The following PPARGC1A variants were observed in gnomAD, a reference collection of about 807,000 sequenced individuals.
PPARGC1A encodes the protein peroxisome proliferator-activated receptor gamma coactivator 1-alpha.
In PPARGC1A, 25 loss-of-function variants were observed where a neutral mutation model predicts 88.7. The ratio of observed to expected loss-of-function variants is 0.28; its 90% confidence interval spans 0.21 to 0.39. The LOEUF (loss-of-function observed/expected upper bound fraction) is 0.39, where lower values mean the gene tolerates loss of function less well. Among genes scored for constraint, PPARGC1A ranks in the 10% least tolerant of loss-of-function variants. The probability of loss-of-function intolerance (pLI) is 1.00; values close to 1 mark genes in which losing one functional copy is unlikely to be tolerated. For missense variants in PPARGC1A, 880 were observed against 968.7 expected (o/e 0.91, Z 1.22); for synonymous variants, 363 against 355.6 (o/e 1.02, Z -0.24).
chr4:23,973,570 G>A, the PPARGC1A span, among the ~76,000 whole-genome samples: 28 of 152,326 alleles, frequency 1.8e-4, no homozygotes, highest in Middle Eastern at 3.4e-3. Flanking sequence ...TTTATTCTAT[G>A]CATGATTTGA....
the PPARGC1A span, among the ~76,000 whole-genome samples, chr4:24,291,270 CTCAG>C: frequency 1.3e-5 from 2 of 152,214 alleles, no homozygotes; most frequent in Admixed American, 6.5e-5. Flanking sequence ...CTCTCTCTCT[CTCAG>C]TATCTCTTAA....
chr4:24,049,207 T>C, the PPARGC1A span, among the ~76,000 whole-genome samples: 2 of 8,668 alleles, frequency 2.3e-4, no homozygotes, highest in South Asian at 0.03. Context: ...TATACACACA[T>C]ATATATAAAT....
intron 2 of PPARGC1A, among the ~76,000 whole-genome samples, chr4:23,860,578 T>C (rs1450024761): frequency 6.6e-6 from 1 of 152,170 alleles, no homozygotes; most frequent in Non-Finnish European, 1.5e-5. Context: ...CTTAAATATA[T>C]ACAGTAACAA....
chr4:24,045,192 C>T, the PPARGC1A span, among the ~76,000 whole-genome samples: 1 of 152,094 alleles, frequency 6.6e-6, no homozygotes, highest in African/African-American at 2.4e-5. Flanking sequence ...TTCATCAAGC[C>T]TTTGTTTCTT....
At chr4:24,190,268 C>A in the PPARGC1A span, among the ~76,000 whole-genome samples, 1 of 152,312 alleles carries the variant, frequency 6.6e-6, no homozygotes, top group South Asian at 2.1e-4. Context: ...GTAATCCCAG[C>A]ACTTTGGGAG....
chr4:24,131,803 C>A, the PPARGC1A span, among the ~76,000 whole-genome samples: 1 of 152,144 alleles, frequency 6.6e-6, no homozygotes, highest in Non-Finnish European at 1.5e-5. Flanking sequence ...AGGAAGCTGA[C>A]TCTTTTAAGC....
the PPARGC1A span, among the ~76,000 whole-genome samples, chr4:24,431,164 A>C: frequency 6.6e-6 from 1 of 151,908 alleles, no homozygotes; most frequent in Non-Finnish European, 1.5e-5. Flanking sequence ...AAGAAAAAGA[A>C]AAGACAAGAA....
chr4:24,055,770 G>A, the PPARGC1A span, among the ~76,000 whole-genome samples: 1 of 152,208 alleles, frequency 6.6e-6, no homozygotes, highest in African/African-American at 2.4e-5. Flanking sequence ...GTTCCAGTCT[G>A]CACATTTGTA....
chr4:23,868,985 C>T (rs180712631), intron 2 of PPARGC1A, among the ~76,000 whole-genome samples: 5 of 152,308 alleles, frequency 3.3e-5, no homozygotes, highest in Non-Finnish European at 7.3e-5. Context: ...ACTCTCCTTT[C>T]CACTGCTTGG....
At chr4:24,162,130 C>T in the PPARGC1A span, among the ~76,000 whole-genome samples, 251 of 152,132 alleles carry the variant, frequency 1.6e-3, 1 homozygote, top group Middle Eastern at 0.017. Flanking sequence ...AACCAAACAT[C>T]GTATATTCTC....
At chr4:23,913,257 TATATATATATAGAGAGAGAG>T in the PPARGC1A span, among the ~76,000 whole-genome samples, 47 of 46,086 alleles carry the variant, frequency 1.0e-3, no homozygotes, top group African/African-American at 3.6e-3. Flanking sequence ...TATATATATA[TATATATATATAGAGAGAGAG>T]AGAGAGAGAG....
chr4:23,894,390 G>A (rs544205176), upstream of PPARGC1A, among the ~76,000 whole-genome samples: 2 of 151,804 alleles, frequency 1.3e-5, no homozygotes, highest in East Asian at 3.9e-4. Context: ...GAACACAAAA[G>A]TTGGTAGCAG....
rs995490719 is a variant in PPARGC1A at position 23,814,178 on chromosome 4, T to G, written c.1305A>C (p.Arg435Ser). Residue 435 changes from arginine to serine, a missense_variant, in exon 8 of 13, where the codon AGA (arginine) becomes AGC (serine). Arg to Ser is a moderately radical substitution (Grantham distance 110). Transcript: ENST00000264867. ...CCTGCTTGCTTGCCTCCAAAGTCTC[T>G]CTCAGGTAGCACTGGTCTGAATCTG... ...SSTDSDQCYLRETLEASKQVS... is the reference protein window; with the variant it reads ...SSTDSDQCYLSETLEASKQVS... 6.2e-6 allele frequency: 10 copies of G among 1,613,962 alleles called. No individual in the cohort carries two copies. In the African/African-American group the frequency reaches 1.3e-4, roughly 22 times the overall value.
chr4:24,093,188 G>A, the PPARGC1A span, among the ~76,000 whole-genome samples: 2 of 152,178 alleles, frequency 1.3e-5, no homozygotes, highest in African/African-American at 4.8e-5. Flanking sequence ...ATGAGGCCAA[G>A]AGTTAGTTCA....
chr4:23,925,333 C>T, the PPARGC1A span, among the ~76,000 whole-genome samples: 1 of 152,314 alleles, frequency 6.6e-6, no homozygotes, highest in African/African-American at 2.4e-5. Context: ...CCAATCCCCG[C>T]AGGCCATGTG....
chr4:24,228,111 T>C, the PPARGC1A span, among the ~76,000 whole-genome samples: 101,564 of 151,576 alleles, frequency 0.67, 35,122 homozygotes, highest in East Asian at 0.86. Flanking sequence ...CAAGCACCAG[T>C]GGGATGGGGG....
At chr4:23,991,347 TCAAA>T in the PPARGC1A span, among the ~76,000 whole-genome samples, 2 of 151,972 alleles carry the variant, frequency 1.3e-5, no homozygotes, top group Non-Finnish European at 2.9e-5. Context: ...GTCAAGTAGA[TCAAA>T]CAATTGATTA....
chr4:24,164,813 C>A, the PPARGC1A span, among the ~76,000 whole-genome samples: 1 of 152,216 alleles, frequency 6.6e-6, no homozygotes, highest in African/African-American at 2.4e-5. Flanking sequence ...CTTCTGGCTA[C>A]ACACATTGGC....
chr4:23,959,220 A>T, the PPARGC1A span, among the ~76,000 whole-genome samples: 1 of 152,122 alleles, frequency 6.6e-6, no homozygotes, highest in Non-Finnish European at 1.5e-5. Flanking sequence ...TGGAGTCAAC[A>T]TGAGGAGGAG....
Sources: gnomAD v4.1 joint callset for allele counts (sites outside exome capture counted in the v4.1 genomes callset) on GRCh38, gnomAD v4.1.1 for gene constraint, MANE v1.5 for transcripts, NCBI Gene and HGNC (gene_info 2026-07-23, HGNC 2026-07-21) for gene names.